The following MAP4 variants were observed in gnomAD, a reference collection of about 807,000 sequenced individuals.
MAP4 encodes microtubule associated protein 4.
In MAP4, 76 loss-of-function variants were observed where a neutral mutation model predicts 170.2. That is an observed-to-expected ratio of 0.45 (90% CI 0.37 to 0.54). The LOEUF (loss-of-function observed/expected upper bound fraction) is 0.54, where lower values mean the gene tolerates loss of function less well. Ranked by LOEUF, MAP4 falls within the 20% of genes least tolerant of loss-of-function variation. The pLI is 0.00. For synonymous variants in MAP4, 909 were observed against 994.5 expected (o/e 0.91, Z 1.62); for missense variants, 2,506 against 2,748.0 (o/e 0.91, Z 1.97).
chr3:47,943,565 C>G (rs923440964), intron 3 of MAP4, among the ~76,000 whole-genome samples: 5 of 149,464 alleles, frequency 3.3e-5, no homozygotes, highest in Non-Finnish European at 7.5e-5. Context: ...GCCCAGATCC[C>G]GTACTGCATT....
chr3:48,060,898 A>G (rs1476382464), intron 1 of MAP4, among the ~76,000 whole-genome samples: 1 of 151,962 alleles, frequency 6.6e-6, no homozygotes, highest in Non-Finnish European at 1.5e-5. Context: ...AGGCTGGAGG[A>G]CAGTGGTGCG....
At chr3:47,897,126 G>A (rs1020273512) in intron 10 of MAP4, among the ~76,000 whole-genome samples, 9 of 152,042 alleles carry the variant, frequency 5.9e-5, no homozygotes, top group East Asian at 1.9e-4. Context: ...TCTCCTTTTC[G>A]ATGTATCTTT....
rs539998359 is a variant in MAP4, at chr3:48,055,420, G to A, written c.-20+33353C>T. On this transcript the variant is annotated intron_variant, in intron 1 of 18. Transcript: ENST00000360240. ...GGGGTTTCGCTGTGTTGGCCGGGCC[G>A]GTCTCCAGCCCCTAACCGCGAGTGA... Among the ~76,000 whole-genome samples, 575 of 151,726 alleles carry A rather than the reference G, an allele frequency of 3.8e-3. 4 individuals are homozygous for A. Among genetic ancestry groups the A allele is most frequent in the African/African-American group, 0.013 (535 of 41,350 alleles).
At chr3:47,854,304 G>C (rs549441573) in intron 19 of MAP4, among the ~76,000 whole-genome samples, 1 of 152,256 alleles carries the variant, frequency 6.6e-6, no homozygotes, top group African/African-American at 2.4e-5. Context: ...CACGAGGTAT[G>C]GGGGGCACGA....
At chr3:48,020,104 T>G (rs2100109831), upstream of MAP4, among the ~76,000 whole-genome samples, 1 of 152,196 alleles carries the variant, frequency 6.6e-6, no homozygotes, top group Non-Finnish European at 1.5e-5. Context: ...CAGGCTGGTC[T>G]TGAACTCCTG....
chr3:48,044,970 GT>G (rs1170457087), intron 1 of MAP4, among the ~76,000 whole-genome samples: 2 of 146,944 alleles, frequency 1.4e-5, no homozygotes, highest in Non-Finnish European at 3.0e-5. Flanking sequence ...TTTTTTTTTT[GT>G]TGAGGCCAGG....
intron 3 of MAP4, among the ~76,000 whole-genome samples, chr3:47,932,577 C>T (rs1235003478): frequency 1.3e-5 from 2 of 152,166 alleles, no homozygotes; most frequent in African/African-American, 4.8e-5. Context: ...CACATCTTCA[C>T]CAACATGTTG....
intron 1 of MAP4, among the ~76,000 whole-genome samples, chr3:48,004,582 C>CTGAAA (rs900974815): frequency 2.4e-4 from 37 of 152,162 alleles, no homozygotes; most frequent in African/African-American, 8.7e-4. Flanking sequence ...TGAGAAAGAG[C>CTGAAA]TGAAATTGTG....
intron 1 of MAP4, among the ~76,000 whole-genome samples, chr3:48,063,209 G>A (rs2100136786): frequency 6.7e-6 from 1 of 149,236 alleles, no homozygotes; most frequent in Non-Finnish European, 1.5e-5. Context: ...AAAATCCAAA[G>A]CACAACACCA....
Position 47,852,669 on chromosome 3 carries a change from A to C in MAP4, c.*265T>G. 2.3e-6 allele frequency: 3 copies of C among 1,312,518 alleles called. No individual in the cohort carries two copies. The highest frequency in any genetic ancestry group is 3.1e-6 in the Non-Finnish European group (3 of 976,608). 81.3% of individuals were successfully genotyped at this position (1,312,518 alleles called of 1,614,324 possible). On this transcript the variant is annotated 3_prime_UTR_variant, in exon 21 of 21. Coordinates refer to ENST00000683076, the MANE Select transcript of MAP4 (RefSeq NM_001385682.1). The stretch of plus-strand genomic sequence containing the variant: ...GATGGGGCAAGACCAAAGCAGGGAG[A>C]TGGGCCCAGGCTGGGGAGTGAGAGG...
At chr3:48,072,395 G>A (rs562348021) in intron 1 of MAP4, among the ~76,000 whole-genome samples, 2 of 152,082 alleles carry the variant, frequency 1.3e-5, no homozygotes, top group African/African-American at 4.8e-5. Flanking sequence ...CAGCTACTTG[G>A]GAGGGTGAGA....
intron 1 of MAP4, among the ~76,000 whole-genome samples, chr3:48,066,233 T>G (rs1442326153): frequency 6.6e-6 from 1 of 152,188 alleles, no homozygotes; most frequent in Non-Finnish European, 1.5e-5. Context: ...TCCTCCCCAG[T>G]ATCTCTAAAT....
chr3:47,989,766 C>CTG (rs1370860616), intron 2 of MAP4, among the ~76,000 whole-genome samples: 1 of 152,194 alleles, frequency 6.6e-6, no homozygotes, highest in African/African-American at 2.4e-5. Context: ...CCTAATCATA[C>CTG]TGCACATTAC....
intron 3 of MAP4, among the ~76,000 whole-genome samples, chr3:47,933,130 G>C (rs1295033797): frequency 6.6e-6 from 1 of 151,974 alleles, no homozygotes; most frequent in African/African-American, 2.4e-5. Context: ...AGGAAATCAA[G>C]ATACCAAAGA....
At position 47,911,943 on chromosome 3, in the gene MAP4, T is replaced by C. The variant is rs2100036163; in HGVS notation, c.2478A>G (p.Val826=). 1 of 1,536,122 alleles carries C rather than the reference T, an allele frequency of 6.5e-7. No homozygotes were observed. Among genetic ancestry groups the C allele is most frequent in the East Asian group, 2.4e-5 (1 of 40,924 alleles). ...PTTMGTEYGL[V]SGENLKRECL... The stretch of plus-strand genomic sequence containing the variant: ...ATTCCCTTTTCAAGTTTTCTCCAGA[T>C]ACAAGTCCATATTCTGTACCCATAG... Residue 826 remains valine (V), a synonymous_variant, in exon 9 of 21, where the codon GTA becomes GTG. Coordinates refer to ENST00000683076, the MANE Select transcript of MAP4 (RefSeq NM_001385682.1). This position sits in a 1 kb window ranked among gnomAD's most constrained non-coding sequence, Gnocchi z 4.0.
rs747227671 is a variant in MAP4, at chr3:47,872,093, G to A, written c.5765C>T (p.Ala1922Val). Residue 1922 changes from alanine (A) to valine (V), a missense_variant, in exon 13 of 21, where the codon GCA (alanine) becomes GTA (valine). By Grantham distance (64) the Ala-to-Val change is moderately conservative (BLOSUM62 0). Coordinates refer to ENST00000683076, the MANE Select transcript of MAP4 (RefSeq NM_001385682.1). ...PSKDVKPKPI[A>V]DAKAPEKRAS... is the part of the protein sequence containing the mutation. The stretch of plus-strand genomic sequence containing the variant: ...CCGCTTCTCAGGAGCCTTTGCATCT[G>A]CAATGGGCTGGAAATAGGAAAGTGG... 36 of 1,609,624 alleles carry A rather than the reference G, an allele frequency of 2.2e-5. No homozygotes were observed. In the Admixed American group the frequency reaches 5.8e-4, roughly 26 times the overall value.
At chr3:47,965,897 G>GT (rs1336237244) in intron 3 of MAP4, among the ~76,000 whole-genome samples, 2 of 152,044 alleles carry the variant, frequency 1.3e-5, no homozygotes, top group Non-Finnish European at 2.9e-5. Context: ...TAATTTATCT[G>GT]TTTTTTCTTT....
At chr3:48,005,510 T>G (rs1291616507) in intron 1 of MAP4, among the ~76,000 whole-genome samples, 1 of 152,222 alleles carries the variant, frequency 6.6e-6, no homozygotes, top group Non-Finnish European at 1.5e-5. Context: ...AAGTAGGGAC[T>G]CTGCATTTAA....
At position 47,909,190 on chromosome 3, in the gene MAP4, T is replaced by C. The variant is rs1269818905; in HGVS notation, c.5231A>G (p.Lys1744Arg). ...TTCCTTTTTCCCTTCTCCTGGTGTCTTTGATTCAGATTTTTCTGTCATTTT... is the reference window on the plus strand; with the variant it reads ...TTCCTTTTTCCCTTCTCCTGGTGTCCTTGATTCAGATTTTTCTGTCATTTT... ...PQKMTEKSES[K>R]TPGEGKKEDK... is the part of the protein sequence containing the mutation. Residue 1744 changes from lysine to arginine, a missense_variant, in exon 9 of 21, where the codon AAG becomes AGG. By Grantham distance (26) the Lys-to-Arg change is conservative. This residue lies in a region of MAP4 where 2,008 missense variants were observed against 2,206.0 expected (regional missense o/e 0.91). Transcript: ENST00000683076. The C allele has an allele frequency of 2.5e-6, 4 of 1,614,026 alleles. No individual in the cohort carries two copies. Among genetic ancestry groups the C allele is most frequent in the South Asian group, 2.2e-5 (2 of 91,084 alleles).
Sources: gnomAD v4.1 joint callset for allele counts (sites outside exome capture counted in the v4.1 genomes callset) on GRCh38, gnomAD v4.1.1 for gene constraint, gnomAD v4.1.1 regional missense constraint, Gnocchi (gnomAD v3.1) non-coding constraint, MANE v1.5 for transcripts, NCBI Gene and HGNC (gene_info 2026-07-23, HGNC 2026-07-21) for gene names.